NTF3: variants seen among roughly 807,000 people sequenced by gnomAD.
NTF3 encodes neurotrophin-3.
Under a neutral mutation model 26.3 loss-of-function variants are expected in NTF3, and 8 were observed. The observed-to-expected ratio is 0.30, with a 90% CI of 0.18 to 0.55. The LOEUF (loss-of-function observed/expected upper bound fraction) is 0.55. Ranked by LOEUF, NTF3 falls within the 20% of genes least tolerant of loss-of-function variation. The probability of loss-of-function intolerance (pLI) is 0.93; values close to 1 mark genes in which losing one functional copy is unlikely to be tolerated. For synonymous variants in NTF3, 154 were observed against 145.5 expected, an observed-to-expected ratio of 1.06 and a Z score of -0.42; for missense variants, 276 against 352.9, an observed-to-expected ratio of 0.78 and a Z score of 1.75.
intron 1 of NTF3, among the ~76,000 whole-genome samples, chr12:5,477,895 G>A (rs954639029): frequency 1.3e-5 from 2 of 152,126 alleles, no homozygotes; most frequent in Non-Finnish European, 2.9e-5. Context: ...ACTTTCTGGG[G>A]AATTAGCTGT....
At chr12:5,446,285 A>G (rs1208415015) in intron 1 of NTF3, among the ~76,000 whole-genome samples, 1 of 152,220 alleles carries the variant, frequency 6.6e-6, no homozygotes, top group Non-Finnish European at 1.5e-5. Context: ...TAATGCATTC[A>G]TAATGCAAAG....
chr12:5,434,296 A>G (rs976225490), intron 1 of NTF3, among the ~76,000 whole-genome samples: 8 of 152,146 alleles, frequency 5.3e-5, no homozygotes, highest in Non-Finnish European at 1.5e-5. Flanking sequence ...TTGAAGGGAG[A>G]TAGAAAGTCT....
At chr12:5,490,515 C>T (rs2121254276) in intron 1 of NTF3, among the ~76,000 whole-genome samples, 1 of 152,330 alleles carries the variant, frequency 6.6e-6, no homozygotes, top group Non-Finnish European at 1.5e-5. Flanking sequence ...TGTGCCTTGC[C>T]TGGATGGAGC....
intron 1 of NTF3, among the ~76,000 whole-genome samples, chr12:5,439,391 C>T (rs1373233110): frequency 3.3e-5 from 5 of 152,234 alleles, no homozygotes; most frequent in African/African-American, 7.2e-5. Flanking sequence ...AAGCCCATCA[C>T]CTGCTAGTCA....
chr12:5,478,052 T>A (rs1056048483), intron 1 of NTF3, among the ~76,000 whole-genome samples: 1 of 152,242 alleles, frequency 6.6e-6, no homozygotes, highest in African/African-American at 2.4e-5. Context: ...TGCTGTACAT[T>A]TAAAGGTTTA....
chr12:5,490,337 G>A (rs752437761), intron 1 of NTF3, among the ~76,000 whole-genome samples: 5 of 152,216 alleles, frequency 3.3e-5, no homozygotes, highest in Non-Finnish European at 7.3e-5. Flanking sequence ...GCCCTATGCT[G>A]GGAGTCAAGG....
chr12:5,438,643 A>G (rs1438072363), intron 1 of NTF3, among the ~76,000 whole-genome samples: 1 of 152,228 alleles, frequency 6.6e-6, no homozygotes, highest in Non-Finnish European at 1.5e-5. Flanking sequence ...TTTTGGAGGA[A>G]ACAGTAGCTA....
At chr12:5,441,898 C>G (rs986130049) in intron 1 of NTF3, among the ~76,000 whole-genome samples, 1 of 152,224 alleles carries the variant, frequency 6.6e-6, no homozygotes, top group Non-Finnish European at 1.5e-5. Context: ...TTCTTCCCCA[C>G]ATCTTAGCCT....
At position 5,433,312 on chromosome 12, in the gene NTF3, G is replaced by A. The variant is rs926823406; in HGVS notation, c.18+970G>A. 1.3e-5 allele frequency: 2 copies of A among 152,530 alleles called. No individual in the cohort carries two copies. Among genetic ancestry groups the A allele is most frequent in the Non-Finnish European group, 2.9e-5 (2 of 68,296 alleles). The allele number at this position is 152,530 out of a possible 1,614,324, so 9.4% of individuals were successfully genotyped here. ...GTGGCGTGGGAGGCCGGGAGACCTG[G>A]GCACCCGCGCAGCCAGCCAGGTCGG... On this transcript the variant is annotated intron_variant, in intron 1 of 1. Transcript: ENST00000423158. This position sits in a 1 kb window ranked among gnomAD's most constrained non-coding sequence, Gnocchi z 4.6.
rs1032623184 is a variant in NTF3, at chr12:5,432,447, C to G, written c.18+105C>G. 9.1e-6 allele frequency: 11 copies of G among 1,213,736 alleles called. No individual in the cohort carries two copies. The Middle Eastern group carries it at 7.1e-4, about 78-fold the overall frequency. 75.2% of individuals were successfully genotyped at this position (1,213,736 alleles called of 1,614,324 possible). A position where few individuals can be genotyped will look rare whatever the true frequency, so the allele number is the denominator to read the frequency against. On this transcript the variant is annotated intron_variant, in intron 1 of 1. Coordinates refer to ENST00000423158, the MANE Select transcript of NTF3 (RefSeq NM_001102654.2). ...GGTGCGGGGGGCCCCAGATCCGCAT[C>G]CCGCCCCACCCCCATCGCGCCGCGC...
At chr12:5,444,436 T>C (rs1404142738) in intron 1 of NTF3, among the ~76,000 whole-genome samples, 1 of 152,124 alleles carries the variant, frequency 6.6e-6, no homozygotes, top group Non-Finnish European at 1.5e-5. Context: ...GGGAAGTAAC[T>C]AGGAAACTTC....
At chr12:5,432,810 C>T (rs968642691) in intron 1 of NTF3, among the ~76,000 whole-genome samples, 1 of 152,128 alleles carries the variant, frequency 6.6e-6, no homozygotes, top group Non-Finnish European at 1.5e-5. Context: ...CCGCCTGCTC[C>T]TCCGAGAAAG....
intron 1 of NTF3, among the ~76,000 whole-genome samples, chr12:5,491,262 C>T (rs903768341): frequency 6.6e-6 from 1 of 152,138 alleles, no homozygotes; most frequent in African/African-American, 2.4e-5. Context: ...TAGCAACATT[C>T]TTGGACTTGC....
rs371506937 is a variant in NTF3, at chr12:5,452,310, A to G, written c.18+19968A>G. Reference sequence around the variant, plus strand: ...GGGGTTTCACCATGTCAGCCCAGGAAGGTCTCGATCTCTTGACCTCGTGAT... The same window carrying G: ...GGGGTTTCACCATGTCAGCCCAGGAGGGTCTCGATCTCTTGACCTCGTGAT... On this transcript the variant is annotated intron_variant, in intron 1 of 1. Coordinates refer to ENST00000423158, the MANE Select transcript of NTF3 (RefSeq NM_001102654.2). 1.7e-4 allele frequency among the ~76,000 whole-genome samples: 26 copies of G among 151,052 alleles called. No homozygotes were observed. The East Asian group carries it at 2.8e-3, about 16-fold the overall frequency.
At chr12:5,468,457 G>A (rs886700140) in intron 1 of NTF3, among the ~76,000 whole-genome samples, 1 of 152,082 alleles carries the variant, frequency 6.6e-6, no homozygotes, top group Non-Finnish European at 1.5e-5. Context: ...ATCCAGCGAG[G>A]GGGCATTTGC....
At chr12:5,479,706 C>T (rs919577070) in intron 1 of NTF3, among the ~76,000 whole-genome samples, 1 of 152,174 alleles carries the variant, frequency 6.6e-6, no homozygotes, top group African/African-American at 2.4e-5. Flanking sequence ...CTCCATCTCT[C>T]CCCAAAAAGC....
chr12:5,430,642 G>A (rs917350765), upstream of NTF3, among the ~76,000 whole-genome samples: 1 of 151,602 alleles, frequency 6.6e-6, no homozygotes, highest in Non-Finnish European at 1.5e-5. Context: ...CGGCCGGTTG[G>A]TCCTGAACTG....
rs76812498 is a variant in NTF3, at chr12:5,444,448, T to C, written c.18+12106T>C. 5.7e-3 allele frequency among the ~76,000 whole-genome samples: 862 copies of C among 152,300 alleles called. 3 individuals carry two copies. Among genetic ancestry groups the C allele is most frequent in the African/African-American group, 0.02 (823 of 41,562 alleles). ...CCTGGGAAGTAACTAGGAAACTTCC[T>C]GGTGACCTGAGATGTGTTTTGTAAT... On this transcript the variant is annotated intron_variant, in intron 1 of 1. Coordinates refer to ENST00000423158, the MANE Select transcript of NTF3 (RefSeq NM_001102654.2).
At chr12:5,452,656 G>C (rs1395437631) in intron 1 of NTF3, among the ~76,000 whole-genome samples, 3 of 152,134 alleles carry the variant, frequency 2.0e-5, no homozygotes, top group African/African-American at 7.2e-5. Flanking sequence ...AGCCCTGACA[G>C]CTCTGAGTGG....
Sources: allele counts gnomAD v4.1 joint callset (sites outside exome capture counted in the v4.1 genomes callset), GRCh38; gene constraint gnomAD v4.1.1; non-coding constraint Gnocchi (gnomAD v3.1); transcripts MANE v1.5; gene names NCBI Gene and HGNC (gene_info 2026-07-23, HGNC 2026-07-21).